The following CNTNAP2 variants were observed in gnomAD, a reference collection of about 807,000 sequenced individuals.
CNTNAP2 encodes the protein contactin-associated protein-like 2.
A neutral mutation model predicts 155.2 loss-of-function variants in CNTNAP2; 98 were observed. The observed-to-expected ratio is 0.63, with a 90% CI of 0.54 to 0.75. The LOEUF is 0.75. Ranked by LOEUF, CNTNAP2 falls within the 30% of genes least tolerant of loss-of-function variation. The pLI is 0.00. For missense variants in CNTNAP2, 1,727 were observed against 1,688.1 expected (o/e 1.02, Z -0.40); for synonymous variants, 651 against 631.2 (o/e 1.03, Z -0.47).
At chr7:146,578,076 T>C (rs1298964560) in intron 1 of CNTNAP2, among the ~76,000 whole-genome samples, 1 of 152,132 alleles carries the variant, frequency 6.6e-6, no homozygotes, top group Non-Finnish European at 1.5e-5. Flanking sequence ...ATAAAATTAG[T>C]TATTTGTTCC....
At chr7:146,741,534 G>A (rs752930389) in intron 1 of CNTNAP2, among the ~76,000 whole-genome samples, 4 of 152,134 alleles carry the variant, frequency 2.6e-5, no homozygotes, top group Non-Finnish European at 5.9e-5. Flanking sequence ...AAGAAGATAA[G>A]CAAACAGGAG....
chr7:146,138,347 C>T (rs1353229624), intron 1 of CNTNAP2, among the ~76,000 whole-genome samples: 1 of 152,016 alleles, frequency 6.6e-6, no homozygotes, highest in Non-Finnish European at 1.5e-5. Context: ...GTTTTTATCT[C>T]AAGATTTTTT....
intron 1 of CNTNAP2, among the ~76,000 whole-genome samples, chr7:146,576,325 C>A (rs1228568855): frequency 6.6e-6 from 1 of 152,182 alleles, no homozygotes; most frequent in African/African-American, 2.4e-5. Context: ...ATTTTCCCAA[C>A]CAGCTTACAT....
chr7:146,658,359 G>A (rs1585028520), intron 1 of CNTNAP2, among the ~76,000 whole-genome samples: 1 of 147,016 alleles, frequency 6.8e-6, no homozygotes, highest in South Asian at 2.2e-4. Flanking sequence ...TTTAATATGA[G>A]TTTTGCCTGT....
chr7:147,764,926 T>A (rs1268182486), intron 13 of CNTNAP2, among the ~76,000 whole-genome samples: 1 of 152,120 alleles, frequency 6.6e-6, no homozygotes, highest in Non-Finnish European at 1.5e-5. Flanking sequence ...AACTTAGAAA[T>A]AATAAATATA....
At chr7:148,178,380 G>C (rs1794982532) in intron 18 of CNTNAP2, among the ~76,000 whole-genome samples, 1 of 152,152 alleles carries the variant, frequency 6.6e-6, no homozygotes. Context: ...AAGAATAAAA[G>C]TCACAGGATT....
chr7:147,311,690 C>T (rs1436357409), intron 9 of CNTNAP2, among the ~76,000 whole-genome samples: 1 of 133,878 alleles, frequency 7.5e-6, no homozygotes, highest in Non-Finnish European at 1.6e-5. Flanking sequence ...TCTTGACAAA[C>T]CAGAAAGAAG....
At chr7:147,162,481 G>A (rs532195242) in intron 8 of CNTNAP2, among the ~76,000 whole-genome samples, 38 of 152,172 alleles carry the variant, frequency 2.5e-4, no homozygotes, top group Non-Finnish European at 4.7e-4. Flanking sequence ...TTGCACATGG[G>A]TGTAGACAGG....
At chr7:147,756,448 A>G (rs1337288287) in intron 13 of CNTNAP2, among the ~76,000 whole-genome samples, 2 of 152,228 alleles carry the variant, frequency 1.3e-5, no homozygotes, top group East Asian at 1.9e-4. Flanking sequence ...AGTCACACAG[A>G]CAGTAGCAGA....
At chr7:147,806,751 A>T (rs1798097481) in intron 13 of CNTNAP2, among the ~76,000 whole-genome samples, 1 of 152,210 alleles carries the variant, frequency 6.6e-6, no homozygotes, top group African/African-American at 2.4e-5. Flanking sequence ...CAGGCACCAA[A>T]AGGCAAATAT....
chr7:148,296,967 C>T (rs1797296758), intron 21 of CNTNAP2, among the ~76,000 whole-genome samples: 2 of 152,162 alleles, frequency 1.3e-5, no homozygotes, highest in South Asian at 2.1e-4. Flanking sequence ...GGCTTATGCT[C>T]ATTGTCTCCC....
At position 146,947,271 on chromosome 7, in the gene CNTNAP2, T is replaced by C. The variant is rs1039933122; in HGVS notation, c.403-96636T>C. ...TGGTGTACATTTTGAGTTGTCATTT[T>C]TTAAATTTTTTTCTCCAGCTTCTCA... On this transcript the variant is annotated intron_variant, in intron 3 of 23. Transcript: ENST00000361727. 4.0e-5 allele frequency among the ~76,000 whole-genome samples: 6 copies of C among 151,622 alleles called. No individual in the cohort carries two copies. In the East Asian group the frequency reaches 1.2e-3, roughly 30 times the overall value.
intron 1 of CNTNAP2, among the ~76,000 whole-genome samples, chr7:146,142,053 CTTGTTA>C (rs1797888309): frequency 6.6e-6 from 1 of 152,096 alleles, no homozygotes; most frequent in African/African-American, 2.4e-5. Flanking sequence ...TTTGTATTTC[CTTGTTA>C]TTAACCCACA....
At chr7:147,657,610 C>T (rs1795545168) in intron 13 of CNTNAP2, among the ~76,000 whole-genome samples, 1 of 151,546 alleles carries the variant, frequency 6.6e-6, no homozygotes, top group African/African-American at 2.4e-5. Context: ...TATGTGCAGG[C>T]ATGATTCAGA....
intron 18 of CNTNAP2, among the ~76,000 whole-genome samples, chr7:148,207,984 G>A (rs1432096942): frequency 6.6e-6 from 1 of 152,052 alleles, no homozygotes; most frequent in African/African-American, 2.4e-5. Flanking sequence ...GCTACTCAGA[G>A]AGGCTGAGGC....
At chr7:146,121,067 A>G (rs1188628929) in intron 1 of CNTNAP2, among the ~76,000 whole-genome samples, 2 of 149,956 alleles carry the variant, frequency 1.3e-5, no homozygotes, top group African/African-American at 4.9e-5. Context: ...TTATTAGTAA[A>G]TTCTTCTAGA....
At chr7:146,875,906 GCACACACA>G (rs144916213) in intron 3 of CNTNAP2, among the ~76,000 whole-genome samples, 1 of 92,852 alleles carries the variant, frequency 1.1e-5, no homozygotes, top group Non-Finnish European at 1.9e-5. Context: ...ATACACACAC[GCACACACA>G]CACACACACA....
chr7:146,559,489 A>T (rs2129144108), intron 1 of CNTNAP2, among the ~76,000 whole-genome samples: 1 of 151,764 alleles, frequency 6.6e-6, no homozygotes, highest in Admixed American at 6.6e-5. Context: ...AATCACTTGA[A>T]CCCGGGAGTG....
At chr7:147,920,483 C>T (rs1266485538) in intron 14 of CNTNAP2, among the ~76,000 whole-genome samples, 3 of 152,072 alleles carry the variant, frequency 2.0e-5, no homozygotes, top group East Asian at 3.9e-4. Context: ...GCAGGGCCTT[C>T]GTTCACTGAT....
Sources: allele counts gnomAD v4.1 joint callset (sites outside exome capture counted in the v4.1 genomes callset), GRCh38; gene constraint gnomAD v4.1.1; transcripts MANE v1.5; gene names NCBI Gene and HGNC (gene_info 2026-07-23, HGNC 2026-07-21).